The following TDRKH variants were observed in gnomAD, a reference collection of about 807,000 sequenced individuals.
The protein encoded by TDRKH is tudor and KH domain containing, also known as tudor and KH domain-containing protein.
In TDRKH, 28 loss-of-function variants were observed where a neutral mutation model predicts 61.3. That is an observed-to-expected ratio of 0.46 (90% CI 0.34 to 0.63). The LOEUF (loss-of-function observed/expected upper bound fraction) is 0.63, where lower values mean the gene tolerates loss of function less well. Among genes scored for constraint, TDRKH ranks in the 20% least tolerant of loss-of-function variants. The pLI, the probability that TDRKH is intolerant of heterozygous loss-of-function variation, is 0.01. For missense variants in TDRKH, 540 were observed against 683.4 expected (o/e 0.79, Z 2.34); for synonymous variants, 219 against 244.4 (o/e 0.90, Z 0.97).
At chr1:151,768,371 C>A, downstream of TDRKH, 3 of 1,294,762 alleles carry the variant, frequency 2.3e-6, no homozygotes, top group Non-Finnish European at 3.1e-6. Flanking sequence ...AGCCTGTGAG[C>A]TGAGCCAGGA....
chr1:151,779,872 G>GA (rs1385020803), intron 4 of TDRKH, 79 bp downstream of exon 4: 47 of 1,455,766 alleles, frequency 3.2e-5, no homozygotes, highest in Non-Finnish European at 3.1e-5. Context: ...AACTAGGCCA[G>GA]AAAAAACCCT....
At chr1:151,786,554 G>A (rs571723066) in intron 1 of TDRKH, among the ~76,000 whole-genome samples, 24 of 152,120 alleles carry the variant, frequency 1.6e-4, no homozygotes, top group Non-Finnish European at 3.1e-4. Context: ...GCAAAACCAC[G>A]GAGAAGGGTA....
chr1:151,770,432 C>A (rs1648636014), downstream of TDRKH: 1 of 908,380 alleles, frequency 1.1e-6, no homozygotes, highest in Non-Finnish European at 1.6e-6. Flanking sequence ...CATCAAGTTA[C>A]AACTGGACTC....
At position 151,779,522 on chromosome 1, in the gene TDRKH, A is replaced by T. The variant is rs116000616; in HGVS notation, c.422-280T>A. Reference sequence around the variant, plus strand: ...ACTCAGCATGGCCATATCAGGTCACAAGAAGATATGCTACATAGTGTGTCA... The same window carrying T: ...ACTCAGCATGGCCATATCAGGTCACTAGAAGATATGCTACATAGTGTGTCA... On this transcript the variant is annotated intron_variant, in intron 4 of 12. Coordinates refer to ENST00000368824, the MANE Select transcript of TDRKH (RefSeq NM_001083965.2). Among the ~76,000 whole-genome samples, 577 of 152,328 alleles carry T rather than the reference A, an allele frequency of 3.8e-3. 6 individuals carry two copies. Among genetic ancestry groups the T allele is most frequent in the African/African-American group, 0.013 (553 of 41,568 alleles).
At chr1:151,768,301 A>G (rs1301843781), downstream of TDRKH, 11 of 1,545,176 alleles carry the variant, frequency 7.1e-6, no homozygotes, top group Non-Finnish European at 9.6e-6. Context: ...ATCATGTCAT[A>G]GTACATAAGG....
intron 6 of TDRKH, 99 bp from the exon 7 acceptor site, chr1:151,776,698 T>C: frequency 2.9e-6 from 4 of 1,395,120 alleles, no homozygotes; most frequent in Non-Finnish European, 3.9e-6. Context: ...CCAATGGCTG[T>C]TACCATTTTA....
chr1:151,771,277 C>T (rs1359140496), downstream of TDRKH: 1 of 1,587,528 alleles, frequency 6.3e-7, no homozygotes, highest in African/African-American at 1.4e-5. Flanking sequence ...AATCAGGGGC[C>T]CGGGATGTGA....
chr1:151,780,266 A>G (rs1378010550), intron 3 of TDRKH, 126 bp from the exon 4 acceptor site: 1 of 298,018 alleles, frequency 3.4e-6, no homozygotes, highest in Non-Finnish European at 5.9e-6. Context: ...AATACTATCT[A>G]TACAACCAGT....
At chr1:151,777,711 AAT>A (rs1649328039) in intron 6 of TDRKH, among the ~76,000 whole-genome samples, 1 of 145,578 alleles carries the variant, frequency 6.9e-6, no homozygotes, top group Non-Finnish European at 1.5e-5. Flanking sequence ...TTTTTAAAAA[AAT>A]AGTTAATTTT....
downstream of TDRKH, chr1:151,767,204 G>A (rs753420523): frequency 4.3e-6 from 7 of 1,613,874 alleles, no homozygotes; most frequent in South Asian, 5.5e-5. Flanking sequence ...CTCCAGCCCC[G>A]TTCCTGCCTC....
At chr1:151,777,972 G>GA (rs1649369895) in intron 6 of TDRKH, among the ~76,000 whole-genome samples, 2 of 151,994 alleles carry the variant, frequency 1.3e-5, no homozygotes, top group South Asian at 4.1e-4. Flanking sequence ...GTACTTTGAG[G>GA]ACTTTATCCC....
chr1:151,769,705 T>G (rs993777770), downstream of TDRKH, among the ~76,000 whole-genome samples: 1 of 151,962 alleles, frequency 6.6e-6, no homozygotes, highest in African/African-American at 2.4e-5. Flanking sequence ...TCTCGGCACT[T>G]TGGGAGGCCA....
At chr1:151,781,712 C>T (rs909188599) in intron 2 of TDRKH, 125 bp from the exon 3 acceptor site, 146 of 775,850 alleles carry the variant, frequency 1.9e-4, no homozygotes, top group Admixed American at 9.9e-4. Flanking sequence ...AGGATCTCAA[C>T]CATAACAACA....
Position 151,779,151 on chromosome 1 carries a change from T to C in TDRKH, c.513A>G (p.Ser171=). 2 of 1,614,202 alleles carry C rather than the reference T, an allele frequency of 1.2e-6. No individual in the cohort carries two copies. The highest frequency in any genetic ancestry group is 1.7e-5 in the Admixed American group (1 of 60,020). The part of the protein sequence containing the change: ...DKESEGTLLL[S]RLIKISGTQK... Reference sequence around the variant, plus strand: ...GTGTTCCTGAGATTTTTATAAGTCTTGATAGTAGTAATGTCCCTTCTGATT... The same window carrying C: ...GTGTTCCTGAGATTTTTATAAGTCTCGATAGTAGTAATGTCCCTTCTGATT... The change falls in exon 5 of 13, where the codon TCA becomes TCG. Residue 171 remains serine (S), a synonymous_variant. Coordinates refer to ENST00000368824, the MANE Select transcript of TDRKH (RefSeq NM_001083965.2).
Position 151,776,273 on chromosome 1 carries a change from A to G in TDRKH, c.1045-5T>C, listed in dbSNP as rs193042831. 9.9e-6 allele frequency: 16 copies of G among 1,612,560 alleles called. No homozygotes were observed. The African/African-American group carries it at 1.2e-4, about 12-fold the overall frequency. On this transcript the variant is annotated splice_region_variant and splice_polypyrimidine_tract_variant and intron_variant, in intron 7 of 12. Coordinates refer to ENST00000368824, the MANE Select transcript of TDRKH (RefSeq NM_001083965.2). ...ATGCACAGTCAAGTCTTCAGGCTGT[A>G]TGTGGGGAGGAGGAGAAAGGCAGAG... is the stretch of plus-strand genomic sequence containing the variant.
downstream of TDRKH, among the ~76,000 whole-genome samples, chr1:151,769,931 G>C (rs1381486304): frequency 3.0e-5 from 4 of 134,728 alleles, no homozygotes; most frequent in Non-Finnish European, 6.6e-5. Flanking sequence ...AACCAGTCAG[G>C]CATGGCGGCA....
downstream of TDRKH, chr1:151,766,903 C>T (rs1366438622): frequency 1.7e-5 from 27 of 1,581,340 alleles, no homozygotes; most frequent in Middle Eastern, 1.7e-4. Flanking sequence ...TTGTTTTCAT[C>T]TCTATTTGTA....
intron 3 of TDRKH, among the ~76,000 whole-genome samples, chr1:151,781,090 C>T (rs1410828631): frequency 6.6e-6 from 1 of 150,954 alleles, no homozygotes; most frequent in African/African-American, 2.4e-5. Flanking sequence ...CCGAGGCAGG[C>T]GGATCACCTG....
chr1:151,784,593 C>T (rs1211212962), intron 1 of TDRKH, among the ~76,000 whole-genome samples: 2 of 152,200 alleles, frequency 1.3e-5, no homozygotes, highest in Non-Finnish European at 2.9e-5. Context: ...AGCACACCCT[C>T]CTGGTTTTCC....
Sources: allele counts gnomAD v4.1 joint callset (sites outside exome capture counted in the v4.1 genomes callset), GRCh38; gene constraint gnomAD v4.1.1; transcripts MANE v1.5; gene names NCBI Gene and HGNC (gene_info 2026-07-23, HGNC 2026-07-21).